Variants in TCERG1 observed in about 807,000 individuals in gnomAD.
TCERG1 encodes TATA box binding protein (TBP)-associated factor, RNA polymerase II, S, 150kD.
A neutral mutation model predicts 144.7 loss-of-function variants in TCERG1; 37 were observed. That is an observed-to-expected ratio of 0.26 (90% CI 0.20 to 0.34). TCERG1 has a LOEUF of 0.34. Ranked by LOEUF, TCERG1 falls within the 10% of genes least tolerant of loss-of-function variation. TCERG1 has a pLI of 1.00. For synonymous variants in TCERG1, 492 were observed against 458.2 expected, an observed-to-expected ratio of 1.07 and a Z score of -0.94; for missense variants, 1,027 against 1,380.7, an observed-to-expected ratio of 0.74 and a Z score of 4.06.
intron 1 of TCERG1, among the ~76,000 whole-genome samples, chr5:146,453,764 CCT>C (rs1461012485): frequency 1.3e-5 from 2 of 151,028 alleles, no homozygotes; most frequent in Middle Eastern, 3.2e-3. Flanking sequence ...ATGGCAAAAC[CCT>C]GTCTCTAAAA....
At chr5:146,477,342 T>G (rs1010471996) in intron 9 of TCERG1, among the ~76,000 whole-genome samples, 2 of 152,178 alleles carry the variant, frequency 1.3e-5, no homozygotes, top group Non-Finnish European at 2.9e-5. Flanking sequence ...ACCTTGGACT[T>G]GACAACTGTT....
intron 5 of TCERG1, among the ~76,000 whole-genome samples, chr5:146,465,829 C>T (rs911076677): frequency 1.3e-5 from 2 of 151,838 alleles, no homozygotes; most frequent in Admixed American, 6.6e-5. Flanking sequence ...GTCAGGAGTT[C>T]GAGACTAGCC....
chr5:146,471,713 C>T (rs188803691), intron 9 of TCERG1, 137 bp downstream of exon 9: 19 of 568,328 alleles, frequency 3.3e-5, no homozygotes, highest in Non-Finnish European at 4.9e-5. Flanking sequence ...ATTCTCCTGC[C>T]TCAGCTTCCC....
chr5:146,503,782 ATGGAGT>A, intron 18 of TCERG1, 36 bp from the exon 19 acceptor site: 1 of 1,537,440 alleles, frequency 6.5e-7, no homozygotes, highest in Non-Finnish European at 8.7e-7. Flanking sequence ...ACATATTTTG[ATGGAGT>A]TGGTAAGAAG....
In TCERG1 at chr5:146,493,046, G is replaced by T; in HGVS notation, c.2282+8G>T. ...AGCAAAATTTAATCCAAGGTATGTG[G>T]TTTGTTTCTCTTAAATATCAAAGTG... On this transcript the variant is annotated splice_region_variant and intron_variant, in intron 16 of 22. Transcript: ENST00000679501. 1 of 1,541,994 alleles carries T rather than the reference G, an allele frequency of 6.5e-7. No homozygotes were observed. The highest frequency in any genetic ancestry group is 8.9e-7 in the Non-Finnish European group (1 of 1,127,190).
intron 15 of TCERG1, among the ~76,000 whole-genome samples, chr5:146,484,688 TC>T (rs1176047667): frequency 9.2e-5 from 14 of 152,202 alleles, no homozygotes; most frequent in Non-Finnish European, 1.8e-4. Flanking sequence ...AGTTTTTTAT[TC>T]TCATTTCAGT....
At chr5:146,468,275 G>T in intron 5 of TCERG1, 66 bp from the exon 6 acceptor site, 1 of 1,252,758 alleles carries the variant, frequency 8.0e-7, no homozygotes, top group Non-Finnish European at 1.1e-6. Context: ...TTATTTCCCT[G>T]AATCCCAGTG....
intron 17 of TCERG1, among the ~76,000 whole-genome samples, chr5:146,501,887 C>CTTT (rs70998087): frequency 6.8e-5 from 5 of 73,416 alleles, no homozygotes; most frequent in African/African-American, 1.0e-4. Context: ...ATCAACTTCA[C>CTTT]TTTTTTTTTT....
At chr5:146,490,457 A>G (rs1766291225) in intron 15 of TCERG1, among the ~76,000 whole-genome samples, 2 of 152,128 alleles carry the variant, frequency 1.3e-5, no homozygotes, top group African/African-American at 4.8e-5. Flanking sequence ...AAAAACCCTT[A>G]TTGTACCCTT....
At chr5:146,498,901 C>A (rs1341112784) in intron 17 of TCERG1, among the ~76,000 whole-genome samples, 1 of 152,138 alleles carries the variant, frequency 6.6e-6, no homozygotes, top group Non-Finnish European at 1.5e-5. Flanking sequence ...AAACTATATA[C>A]TTTTGCTTTA....
rs111879925 is a variant in TCERG1 at position 146,459,111 on chromosome 5, A to C, written c.666A>C (p.Gln222His). 1.2e-5 allele frequency: 19 copies of C among 1,556,966 alleles called. No homozygotes were observed. Among genetic ancestry groups the C allele is most frequent in the Non-Finnish European group, 1.6e-5 (18 of 1,135,472 alleles). Reference protein sequence around the residue: ...QAQAQAQAQAQAQAQAQAQAQ... With the variant: ...QAQAQAQAQAHAQAQAQAQAQ... The stretch of plus-strand genomic sequence containing the variant: ...AGGCCCAGGCCCAGGCCCAGGCCCA[A>C]GCCCAAGCCCAGGCCCAGGCTCAGG... The change falls in exon 4 of 23, where the codon CAA becomes CAC. Residue 222 changes from glutamine (Q) to histidine (H), a missense_variant. Coordinates refer to ENST00000679501, the MANE Select transcript of TCERG1 (RefSeq NM_001382548.1).
Position 146,469,693 on chromosome 5 carries a change from A to G in TCERG1, c.1348A>G (p.Asn450Asp), listed in dbSNP as rs1421243962. Residue 450 changes from asparagine (N) to aspartate (D), a missense_variant, in exon 7 of 23, where the codon AAT becomes GAT. By Grantham distance (23) the Asn-to-Asp change is conservative. Transcript: ENST00000679501. The stretch of plus-strand genomic sequence containing the variant: ...AGATGGGAAGACATATTATTATAAT[A>G]ATAGAACATTAGAATCAACCTGGGA... ...TADGKTYYYN[N>D]RTLESTWEKP... 3 of 1,612,052 alleles carry G rather than the reference A, an allele frequency of 1.9e-6. No individual in the cohort carries two copies. Among genetic ancestry groups the G allele is most frequent in the Non-Finnish European group, 2.5e-6 (3 of 1,179,080 alleles).
chr5:146,457,091 T>A, intron 2 of TCERG1, 92 bp from the exon 3 acceptor site: 1 of 1,491,590 alleles, frequency 6.7e-7, no homozygotes. Context: ...AAAACTAGTT[T>A]CTCTTACAGT....
At chr5:146,454,101 C>T (rs898851045) in intron 1 of TCERG1, among the ~76,000 whole-genome samples, 1 of 150,124 alleles carries the variant, frequency 6.7e-6, no homozygotes. Flanking sequence ...GTCCCAGCTA[C>T]TTGGGAGAAG....
rs1768451899 is a variant in TCERG1 at position 146,511,508 on chromosome 5, A to G, written c.*866A>G. 1 of 152,596 alleles carries G rather than the reference A, an allele frequency of 6.6e-6. No individual in the cohort carries two copies. The highest frequency in any genetic ancestry group is 2.1e-4 in the South Asian group (1 of 4,826). The allele number at this position is 152,596 out of a possible 1,614,324, so 9.5% of individuals were successfully genotyped here. On this transcript the variant is annotated 3_prime_UTR_variant, in exon 23 of 23. Transcript: ENST00000679501. The stretch of plus-strand genomic sequence containing the variant: ...TACAATAAACCAACCCTTTTTATAT[A>G]TCTGTATTGTATATGATTATTGTTA...
intron 16 of TCERG1, among the ~76,000 whole-genome samples, chr5:146,495,987 T>C (rs1317924559): frequency 6.6e-6 from 1 of 152,094 alleles, no homozygotes; most frequent in Non-Finnish European, 1.5e-5. Flanking sequence ...ACTCCATCTC[T>C]ACTAAAAATA....
At chr5:146,490,831 G>C (rs1766337487) in intron 15 of TCERG1, among the ~76,000 whole-genome samples, 2 of 151,888 alleles carry the variant, frequency 1.3e-5, no homozygotes, top group Non-Finnish European at 2.9e-5. Flanking sequence ...AATTACCTTT[G>C]TCTTTTTATT....
At chr5:146,465,876 A>G (rs989968820) in intron 5 of TCERG1, among the ~76,000 whole-genome samples, 1 of 152,066 alleles carries the variant, frequency 6.6e-6, no homozygotes, top group African/African-American at 2.4e-5. Flanking sequence ...TAAAAATACA[A>G]AATTAGCCGG....
intron 16 of TCERG1, among the ~76,000 whole-genome samples, chr5:146,496,925 G>T (rs1408673986): frequency 7.0e-6 from 1 of 143,412 alleles, no homozygotes; most frequent in Non-Finnish European, 1.5e-5. Flanking sequence ...CCAGGCTGGA[G>T]TGCAGTGGCG....
Sources: allele counts gnomAD v4.1 joint callset (sites outside exome capture counted in the v4.1 genomes callset), GRCh38; gene constraint gnomAD v4.1.1; transcripts MANE v1.5; gene names NCBI Gene and HGNC (gene_info 2026-07-23, HGNC 2026-07-21).